RBM20: variants seen among roughly 807,000 people sequenced by gnomAD.
RBM20 encodes RNA binding motif protein 20, also known as RNA-binding protein 20.
In RBM20, 51 loss-of-function variants were observed where a neutral mutation model predicts 110.1. The ratio of observed to expected loss-of-function variants is 0.46; its 90% CI spans 0.37 to 0.59. RBM20 has a LOEUF of 0.59. Ranked by LOEUF, RBM20 falls within the 20% of genes least tolerant of loss-of-function variation. RBM20 has a pLI of 0.00. For missense variants in RBM20, 1,512 were observed against 1,574.9 expected (o/e 0.96, Z 0.68); for synonymous variants, 589 against 618.2 (o/e 0.95, Z 0.70).
chr10:110,747,565 G>A (rs1471434086), intron 1 of RBM20, among the ~76,000 whole-genome samples: 5 of 152,202 alleles, frequency 3.3e-5, no homozygotes, highest in Admixed American at 1.3e-4. Flanking sequence ...TGTCTTAATC[G>A]TGGGTTACAA....
chr10:110,705,825 A>G (rs992403559), intron 1 of RBM20, among the ~76,000 whole-genome samples: 2 of 152,210 alleles, frequency 1.3e-5, no homozygotes, highest in Non-Finnish European at 2.9e-5. Context: ...TCATGCTTCT[A>G]ATCCCAGCAC....
chr10:110,743,380 T>C (rs1477234916), intron 1 of RBM20, among the ~76,000 whole-genome samples: 1 of 152,180 alleles, frequency 6.6e-6, no homozygotes, highest in African/African-American at 2.4e-5. Context: ...TTTTTCACAG[T>C]TCATCAAATG....
chr10:110,644,497 G>T lies in RBM20; in HGVS notation c.43G>T (p.Gly15Cys). Residue 15 changes from glycine (G) to cysteine (C), a missense_variant, in exon 1 of 14, where the codon GGT becomes TGT. Around this residue, in one of 3 missense-constraint regions of RBM20, gnomAD observed 1,149 missense variants for 1,169.4 expected, o/e 0.98. Transcript: ENST00000369519. This position sits in a 1 kb window ranked among gnomAD's most constrained non-coding sequence, Gnocchi z 4.3. ...CATGAGCCAGGACGCGGACCCCAGC[G>T]GTCCGGAGCAGCCGGACAGAGTTGC... ...AAMSQDADPS[G>C]PEQPDRVACS... is the part of the protein sequence containing the mutation. 1 of 1,523,578 alleles carries T rather than the reference G, an allele frequency of 6.6e-7. No homozygotes were observed. The highest frequency in any genetic ancestry group is 8.8e-7 in the Non-Finnish European group (1 of 1,139,440). 94.4% of individuals were successfully genotyped at this position (1,523,578 alleles called of 1,614,324 possible). A position where few individuals can be genotyped will look rare whatever the true frequency, so the allele number is the denominator to read the frequency against.
intron 1 of RBM20, among the ~76,000 whole-genome samples, chr10:110,714,895 G>A (rs1267580350): frequency 6.6e-6 from 1 of 152,202 alleles, no homozygotes; most frequent in Non-Finnish European, 1.5e-5. Flanking sequence ...AGGGAAAAAG[G>A]ATTGCCTTCC....
At chr10:110,745,106 T>C (rs1843764130) in intron 1 of RBM20, among the ~76,000 whole-genome samples, 1 of 152,220 alleles carries the variant, frequency 6.6e-6, no homozygotes, top group African/African-American at 2.4e-5. Context: ...AACCCTCTGC[T>C]TTTTCATCCC....
intron 1 of RBM20, among the ~76,000 whole-genome samples, chr10:110,716,636 G>A (rs754576502): frequency 7.9e-5 from 12 of 152,128 alleles, no homozygotes; most frequent in Non-Finnish European, 1.6e-4. Context: ...AATTATGGCT[G>A]GGCGTGGTGG....
chr10:110,700,683 C>T (rs1285691887), intron 1 of RBM20, among the ~76,000 whole-genome samples: 1 of 152,102 alleles, frequency 6.6e-6, no homozygotes, highest in Non-Finnish European at 1.5e-5. Context: ...TACTTACATG[C>T]CAGCAACCAA....
intron 1 of RBM20, among the ~76,000 whole-genome samples, chr10:110,651,736 G>A (rs1033163182): frequency 3.9e-5 from 6 of 152,122 alleles, no homozygotes; most frequent in South Asian, 2.1e-4. Flanking sequence ...CCTGGAGCTC[G>A]CCCTAAAACC....
At chr10:110,824,389 G>A (rs182269278) in intron 12 of RBM20, among the ~76,000 whole-genome samples, 7 of 152,288 alleles carry the variant, frequency 4.6e-5, no homozygotes, top group Admixed American at 2.6e-4. Flanking sequence ...AGGCAATGAT[G>A]CTGAATAGAA....
At chr10:110,794,681 G>A (rs182471201) in intron 5 of RBM20, among the ~76,000 whole-genome samples, 127 of 152,274 alleles carry the variant, frequency 8.3e-4, no homozygotes, top group African/African-American at 3.0e-3. Flanking sequence ...GACAACAAGG[G>A]AATTGGTAAA....
Position 110,655,350 on chromosome 10 carries a change from A to G in RBM20, c.191+10705A>G, listed in dbSNP as rs184469928. ...AAATCTATATCCCAATTTAAATTCC[A>G]TGAACAAATCTGACTCTGGCATTTG... On this transcript the variant is annotated intron_variant, in intron 1 of 13. Transcript: ENST00000369519. 2.6e-3 allele frequency among the ~76,000 whole-genome samples: 365 copies of G among 139,522 alleles called. 2 individuals carry two copies. The highest frequency in any genetic ancestry group is 9.4e-3 in the African/African-American group (347 of 37,048). The allele number at this position is 139,522 out of a possible 152,430, so 91.5% of individuals were successfully genotyped here. A position where few individuals can be genotyped will look rare whatever the true frequency, so the allele number is the denominator to read the frequency against.
At chr10:110,761,694 G>A (rs966957508) in intron 1 of RBM20, among the ~76,000 whole-genome samples, 5 of 152,154 alleles carry the variant, frequency 3.3e-5, no homozygotes, top group African/African-American at 1.2e-4. Flanking sequence ...TTACATTATT[G>A]TGTTTTAACA....
chr10:110,672,955 A>C (rs1041388381), intron 1 of RBM20, among the ~76,000 whole-genome samples: 22 of 152,030 alleles, frequency 1.4e-4, no homozygotes, highest in African/African-American at 4.8e-4. Flanking sequence ...TGAACTTTGC[A>C]TTTTTTCTCT....
chr10:110,768,122 C>G (rs899662246), intron 1 of RBM20, among the ~76,000 whole-genome samples: 17 of 152,176 alleles, frequency 1.1e-4, no homozygotes, highest in Admixed American at 5.2e-4. Context: ...CGCAGGCACT[C>G]GGCAGGCTGA....
chr10:110,711,688 G>A (rs1031947642), intron 1 of RBM20, among the ~76,000 whole-genome samples: 2 of 152,336 alleles, frequency 1.3e-5, no homozygotes, highest in Middle Eastern at 3.4e-3. Flanking sequence ...TGAGACTGCC[G>A]CATAAGCCAG....
intron 1 of RBM20, among the ~76,000 whole-genome samples, chr10:110,657,499 T>G (rs1228264872): frequency 2.0e-5 from 3 of 152,210 alleles, no homozygotes; most frequent in Non-Finnish European, 4.4e-5. Flanking sequence ...TAAAACTGGG[T>G]TTTTTACATT....
intron 2 of RBM20, among the ~76,000 whole-genome samples, chr10:110,782,601 G>A (rs994873669): frequency 4.6e-5 from 7 of 152,154 alleles, no homozygotes; most frequent in Non-Finnish European, 8.8e-5. Flanking sequence ...TTTTACAGAT[G>A]AGAAAACTGA....
At chr10:110,650,112 G>A (rs1211655934) in intron 1 of RBM20, among the ~76,000 whole-genome samples, 1 of 152,206 alleles carries the variant, frequency 6.6e-6, no homozygotes, top group Non-Finnish European at 1.5e-5. Flanking sequence ...AGTGTGGGGA[G>A]AAGTTATCAC....
chr10:110,797,561 A>G lies in RBM20; in HGVS notation c.1581A>G (p.Glu527=). The G allele has an allele frequency of 6.4e-7, 1 of 1,551,674 alleles. No homozygotes were observed. Among genetic ancestry groups the G allele is most frequent in the Non-Finnish European group, 8.7e-7 (1 of 1,146,978 alleles). The change falls in exon 6 of 14, where the codon GAA becomes GAG. Residue 527 remains glutamate (E), a synonymous_variant. Coordinates refer to ENST00000369519, the MANE Select transcript of RBM20 (RefSeq NM_001134363.3). ...GRVVHICNLP[E]GSCTENDVIN... is the part of the protein sequence containing the mutation. ...TGGTGCACATCTGCAATCTCCCTGA[A>G]GGAAGCTGCACTGAGAATGACGTCA...
Sources: gnomAD v4.1 joint callset for allele counts (sites outside exome capture counted in the v4.1 genomes callset) on GRCh38, gnomAD v4.1.1 for gene constraint, gnomAD v4.1.1 regional missense constraint, Gnocchi (gnomAD v3.1) non-coding constraint, MANE v1.5 for transcripts, NCBI Gene and HGNC (gene_info 2026-07-23, HGNC 2026-07-21) for gene names.